MAP2: variants seen among roughly 807,000 people sequenced by gnomAD.
The protein encoded by MAP2 is microtubule-associated protein 2.
In MAP2, 14 loss-of-function variants were observed where a neutral mutation model predicts 137.6. The observed-to-expected ratio is 0.10, with a 90% CI of 0.07 to 0.16. MAP2 has a LOEUF of 0.16. MAP2 is among the 10% of genes least tolerant of loss of function. The pLI is 1.00. For synonymous variants in MAP2, 786 were observed against 782.3 expected (o/e 1.00, Z -0.08); for missense variants, 2,088 against 2,191.5 (o/e 0.95, Z 0.94).
At chr2:209,599,896 G>T (rs1475323750) in intron 3 of MAP2, among the ~76,000 whole-genome samples, 5 of 152,142 alleles carry the variant, frequency 3.3e-5, no homozygotes, top group Non-Finnish European at 5.9e-5. Flanking sequence ...TTAGGATATT[G>T]AGGGGGTTAA....
At chr2:209,476,812 A>G (rs1707361403) in intron 1 of MAP2, among the ~76,000 whole-genome samples, 1 of 152,138 alleles carries the variant, frequency 6.6e-6, no homozygotes, top group Non-Finnish European at 1.5e-5. Flanking sequence ...TCTTTCTTAT[A>G]CTAAATTAAA....
rs184585786 is a variant in MAP2 at position 209,720,377 on chromosome 2, G to C, written c.5074-5332G>C. 3.9e-5 allele frequency among the ~76,000 whole-genome samples: 6 copies of C among 152,178 alleles called. No homozygotes were observed. In the East Asian group the frequency reaches 7.7e-4, roughly 20 times the overall value. The stretch of plus-strand genomic sequence containing the variant: ...AAATAGGCCGGGCACGGTGGCTCAC[G>C]CCTGTAATCCCAGCGCTTTGGGAGG... On this transcript the variant is annotated intron_variant, in intron 13 of 15. Transcript: ENST00000682079.
intron 2 of MAP2, among the ~76,000 whole-genome samples, chr2:209,515,191 C>T (rs1417166664): frequency 6.6e-6 from 1 of 152,072 alleles, no homozygotes; most frequent in African/African-American, 2.4e-5. Context: ...AAAGAAAACA[C>T]TGAATGCATT....
At chr2:209,590,425 T>C (rs2078948919) in intron 3 of MAP2, among the ~76,000 whole-genome samples, 1 of 152,274 alleles carries the variant, frequency 6.6e-6, no homozygotes, top group African/African-American at 2.4e-5. Context: ...AACCTCTGCC[T>C]CCCGGATTCA....
intron 2 of MAP2, among the ~76,000 whole-genome samples, chr2:209,524,278 A>G (rs1293229406): frequency 6.6e-6 from 1 of 152,094 alleles, no homozygotes; most frequent in South Asian, 2.1e-4. Context: ...TTTTAGAAAT[A>G]TGATTTTTTT....
intron 2 of MAP2, among the ~76,000 whole-genome samples, chr2:209,527,611 G>A (rs1472046832): frequency 6.6e-6 from 1 of 152,164 alleles, no homozygotes; most frequent in East Asian, 1.9e-4. Context: ...TTTCTCAGGT[G>A]CTTAGTGTGA....
At position 209,690,608 on chromosome 2, in the gene MAP2, G is replaced by A. The variant is rs72999565; in HGVS notation, c.455-2017G>A. 6,471 of 1,280,230 alleles carry A rather than the reference G, an allele frequency of 5.1e-3. 26 individuals carry two copies. The highest frequency in any genetic ancestry group is 6.1e-3 in the Non-Finnish European group (5,972 of 986,070). 79.3% of individuals were successfully genotyped at this position (1,280,230 alleles called of 1,614,324 possible). A position where few individuals can be genotyped will look rare whatever the true frequency, so the allele number is the denominator to read the frequency against. ...ACATCTTTTTCATCCCTAAGAAGAA[G>A]AAACGCTAGAGAGTCGGATGGCTGA... On this transcript the variant is annotated intron_variant, in intron 7 of 15. Transcript: ENST00000682079.
intron 1 of MAP2, among the ~76,000 whole-genome samples, chr2:209,454,149 C>CA (rs869200843): frequency 1.6e-5 from 1 of 61,130 alleles, no homozygotes; most frequent in African/African-American, 5.4e-5. Context: ...GACTCTGTCT[C>CA]AAAAAAAAAA....
intron 2 of MAP2, among the ~76,000 whole-genome samples, chr2:209,560,086 A>T (rs2071649533): frequency 6.6e-6 from 1 of 152,178 alleles, no homozygotes; most frequent in Non-Finnish European, 1.5e-5. Flanking sequence ...GGGTGAAGGA[A>T]ATAAATAAGC....
At chr2:209,531,365 C>T (rs1237966239) in intron 2 of MAP2, among the ~76,000 whole-genome samples, 2 of 152,098 alleles carry the variant, frequency 1.3e-5, no homozygotes, top group Non-Finnish European at 2.9e-5. Context: ...ATAGCATAGC[C>T]TTCTAAAGCC....
chr2:209,647,068 G>C (rs2094465374), intron 4 of MAP2, among the ~76,000 whole-genome samples: 1 of 152,094 alleles, frequency 6.6e-6, no homozygotes, highest in African/African-American at 2.4e-5. Context: ...GAAGGCAAAG[G>C]GGGAGCAAGC....
chr2:209,523,637 A>G (rs746319633), intron 2 of MAP2, among the ~76,000 whole-genome samples: 3 of 152,136 alleles, frequency 2.0e-5, no homozygotes, highest in Non-Finnish European at 4.4e-5. Flanking sequence ...TGCAATATTT[A>G]CTTTTAAGGA....
At chr2:209,602,783 G>T (rs1158723679) in intron 3 of MAP2, among the ~76,000 whole-genome samples, 1 of 152,196 alleles carries the variant, frequency 6.6e-6, no homozygotes, top group Non-Finnish European at 1.5e-5. Flanking sequence ...AATATGAAGA[G>T]CTGCCTGTGG....
chr2:209,685,455 C>G (rs1446925693), intron 7 of MAP2, among the ~76,000 whole-genome samples: 1 of 152,128 alleles, frequency 6.6e-6, no homozygotes, highest in African/African-American at 2.4e-5. Context: ...TGGCTTAGCC[C>G]TCCCTGGTCC....
intron 2 of MAP2, among the ~76,000 whole-genome samples, chr2:209,508,466 T>G (rs995569288): frequency 2.0e-5 from 3 of 151,922 alleles, no homozygotes; most frequent in African/African-American, 7.2e-5. Context: ...GTTTAACCCT[T>G]CAGATTGCAG....
intron 3 of MAP2, among the ~76,000 whole-genome samples, chr2:209,619,529 A>G (rs763765330): frequency 6.6e-6 from 1 of 152,138 alleles, no homozygotes; most frequent in Non-Finnish European, 1.5e-5. Context: ...CTGAGCAGAA[A>G]ACAGCAGTGT....
chr2:209,543,199 G>A (rs1457258425), intron 2 of MAP2, among the ~76,000 whole-genome samples: 1 of 152,206 alleles, frequency 6.6e-6, no homozygotes. Flanking sequence ...GAGAGAAATA[G>A]GGGAAAGGCC....
At chr2:209,493,348 A>G (rs866540564) in intron 1 of MAP2, among the ~76,000 whole-genome samples, 1 of 152,354 alleles carries the variant, frequency 6.6e-6, no homozygotes, top group African/African-American at 2.4e-5. Flanking sequence ...CCTAGGCAAT[A>G]CCATTCAGGA....
At chr2:209,599,126 TA>T (rs2082254881) in intron 3 of MAP2, among the ~76,000 whole-genome samples, 1 of 152,228 alleles carries the variant, frequency 6.6e-6, no homozygotes, top group Non-Finnish European at 1.5e-5. Context: ...CCTGACTTTT[TA>T]AAGATTGCCA....
Sources: gnomAD v4.1 joint callset for allele counts (sites outside exome capture counted in the v4.1 genomes callset) on GRCh38, gnomAD v4.1.1 for gene constraint, MANE v1.5 for transcripts, NCBI Gene and HGNC (gene_info 2026-07-23, HGNC 2026-07-21) for gene names.